The following PALM2AKAP2 variants were observed in gnomAD, a reference collection of about 807,000 sequenced individuals.
The protein encoded by PALM2AKAP2 is PALM2 and AKAP2 fusion.
In PALM2AKAP2, 37 loss-of-function variants were observed where a neutral mutation model predicts 71.5. The ratio of observed to expected loss-of-function variants is 0.52; its 90% confidence interval spans 0.40 to 0.68. The LOEUF is 0.68. Ranked by LOEUF, PALM2AKAP2 falls within the 30% of genes least tolerant of loss-of-function variation. The pLI, the probability that PALM2AKAP2 is intolerant of heterozygous loss-of-function variation, is 0.00. For synonymous variants in PALM2AKAP2, 468 were observed against 478.8 expected (o/e 0.98, Z 0.29); for missense variants, 1,224 against 1,191.8 (o/e 1.03, Z -0.40).
At chr9:109,961,754 C>G (rs569154821) in intron 6 of PALM2AKAP2, among the ~76,000 whole-genome samples, 4 of 152,342 alleles carry the variant, frequency 2.6e-5, no homozygotes, top group African/African-American at 9.6e-5. Flanking sequence ...GACTCCTGTA[C>G]GCAAACTGTT....
chr9:110,118,208 T>TACAC (rs112722146), intron 1 of PALM2AKAP2, among the ~76,000 whole-genome samples: 31,967 of 148,986 alleles, frequency 0.21, 4,676 homozygotes, highest in East Asian at 0.53. Flanking sequence ...TACAGAAATA[T>TACAC]ACACACACAC....
chr9:110,010,694 A>T (rs1222809527), intron 6 of PALM2AKAP2, among the ~76,000 whole-genome samples: 1 of 148,610 alleles, frequency 6.7e-6, no homozygotes, highest in Non-Finnish European at 1.5e-5. Context: ...ACTAAAGTAT[A>T]TTTATAGAAT....
At chr9:109,704,861 T>A (rs537999959) in intron 1 of PALM2AKAP2, among the ~76,000 whole-genome samples, 3 of 152,286 alleles carry the variant, frequency 2.0e-5, no homozygotes, top group Admixed American at 6.5e-5. Flanking sequence ...CTGGCAGGTC[T>A]CCAAAAGGGC....
At chr9:110,105,647 G>C (rs931397574) in intron 1 of PALM2AKAP2, among the ~76,000 whole-genome samples, 1 of 152,158 alleles carries the variant, frequency 6.6e-6, no homozygotes, top group African/African-American at 2.4e-5. Flanking sequence ...GTTCATTGGT[G>C]CTTAACCCAC....
chr9:110,168,285 T>A, intron 3 of PALM2AKAP2, 114 bp from the exon 11 acceptor site: 1 of 1,326,916 alleles, frequency 7.5e-7, no homozygotes, highest in East Asian at 2.5e-5. Context: ...CAGTGCTTTA[T>A]CACTTTCTCC....
At chr9:110,110,260 G>T (rs1386776635) in intron 1 of PALM2AKAP2, among the ~76,000 whole-genome samples, 1 of 152,078 alleles carries the variant, frequency 6.6e-6, no homozygotes, top group Non-Finnish European at 1.5e-5. Flanking sequence ...TTTATTGAGG[G>T]CCTAGTTGTT....
At chr9:110,011,160 A>AT (rs935157641) in intron 6 of PALM2AKAP2, among the ~76,000 whole-genome samples, 2 of 146,126 alleles carry the variant, frequency 1.4e-5, no homozygotes, top group African/African-American at 5.0e-5. Flanking sequence ...AATATGTGTA[A>AT]TTTTTTATAT....
intron 3 of PALM2AKAP2, among the ~76,000 whole-genome samples, chr9:109,889,316 C>T (rs1171974634): frequency 6.6e-6 from 1 of 152,100 alleles, no homozygotes; most frequent in Non-Finnish European, 1.5e-5. Flanking sequence ...ACATGTTATG[C>T]GGATCAACTC....
intron 6 of PALM2AKAP2, among the ~76,000 whole-genome samples, chr9:109,938,711 T>C: frequency 6.6e-6 from 1 of 152,172 alleles, no homozygotes. Context: ...TTCTGTTCTT[T>C]AACTATTTCT....
At chr9:109,640,959 T>G in intron 1 of PALM2AKAP2, 1 of 1,420,542 alleles carries the variant, frequency 7.0e-7, no homozygotes, top group Non-Finnish European at 9.2e-7. Flanking sequence ...CGGGTCCGCG[T>G]CCAGGATGGG....
intron 2 of PALM2AKAP2, among the ~76,000 whole-genome samples, chr9:110,141,256 T>C (rs145276812): frequency 6.0e-4 from 91 of 152,306 alleles, no homozygotes; most frequent in African/African-American, 1.9e-3. Flanking sequence ...CCCTCTATGC[T>C]AATGCTGATC....
chr9:109,764,893 AC>A lies in PALM2AKAP2; in HGVS notation c.6-15593del, dbSNP rs575919388. On this transcript the variant is annotated intron_variant, in intron 1 of 6. Transcript: ENST00000374531. ...AGGTGAAACCTGGACTAAAGCTAGG[AC>A]CATCTGTGATGAGAAGACCTGAGCA... is the stretch of plus-strand genomic sequence containing the variant. Among the ~76,000 whole-genome samples the A allele has an allele frequency of 1.5e-3, 227 of 152,350 alleles. 1 individual carries two copies. Among genetic ancestry groups the A allele is most frequent in the African/African-American group, 5.1e-3 (214 of 41,580 alleles).
chr9:109,874,505 A>G (rs1344135544), intron 2 of PALM2AKAP2, among the ~76,000 whole-genome samples: 1 of 152,220 alleles, frequency 6.6e-6, no homozygotes, highest in African/African-American at 2.4e-5. Context: ...TGTAAAGCAC[A>G]TAAAGCAGTA....
chr9:109,918,488 C>T (rs561160855), intron 3 of PALM2AKAP2, among the ~76,000 whole-genome samples: 5 of 152,336 alleles, frequency 3.3e-5, no homozygotes, highest in African/African-American at 1.2e-4. Context: ...TTATGTGCAC[C>T]TGCCACAGCC....
chr9:109,757,760 C>T (rs967355484), intron 1 of PALM2AKAP2, among the ~76,000 whole-genome samples: 1 of 151,794 alleles, frequency 6.6e-6, no homozygotes, highest in African/African-American at 2.4e-5. Flanking sequence ...CCAAGGTTCA[C>T]CAAAAATGTA....
chr9:109,985,012 T>TA (rs1376175628), intron 6 of PALM2AKAP2, among the ~76,000 whole-genome samples: 2 of 151,318 alleles, frequency 1.3e-5, no homozygotes, highest in African/African-American at 4.9e-5. Context: ...CCGTCTCTAC[T>TA]AAAAAATACA....
intron 1 of PALM2AKAP2, among the ~76,000 whole-genome samples, chr9:110,110,542 C>CTTTTTTTTTTT (rs559402514): frequency 1.0e-5 from 1 of 95,336 alleles, no homozygotes; most frequent in Non-Finnish European, 2.0e-5. Flanking sequence ...TTTCTGAACT[C>CTTTTTTTTTTT]TTTTTTTTTT....
chr9:109,888,876 G>T (rs1830025620), intron 3 of PALM2AKAP2, among the ~76,000 whole-genome samples: 1 of 152,046 alleles, frequency 6.6e-6, no homozygotes. Context: ...AGCATCCCTG[G>T]CCTCTACCTA....
At chr9:109,845,485 G>A (rs1012564457) in intron 1 of PALM2AKAP2, among the ~76,000 whole-genome samples, 17 of 152,220 alleles carry the variant, frequency 1.1e-4, no homozygotes, top group Non-Finnish European at 5.9e-5. Flanking sequence ...AATTGCTAGA[G>A]GCCTCCAGTG....
Sources: allele counts gnomAD v4.1 joint callset (sites outside exome capture counted in the v4.1 genomes callset), GRCh38; gene constraint gnomAD v4.1.1; transcripts MANE v1.5; gene names NCBI Gene and HGNC (gene_info 2026-07-23, HGNC 2026-07-21).